Variants in DTL observed in about 807,000 individuals in gnomAD.
The protein encoded by DTL is denticleless protein homolog.
Under a neutral mutation model 87.0 loss-of-function variants are expected in DTL, and 46 were observed. That is an observed-to-expected ratio of 0.53 (90% CI 0.42 to 0.68). The LOEUF is 0.68. Ranked by LOEUF, DTL falls within the 30% of genes least tolerant of loss-of-function variation. The pLI, the probability that DTL is intolerant of heterozygous loss-of-function variation, is 0.00. For synonymous variants in DTL, 308 were observed against 311.2 expected (o/e 0.99, Z 0.11); for missense variants, 737 against 869.4 (o/e 0.85, Z 1.91).
intron 2 of DTL, 51 bp downstream of exon 2, chr1:212,043,169 C>T (rs917431266): frequency 6.4e-7 from 1 of 1,554,388 alleles, no homozygotes. Context: ...ATCTATTTCA[C>T]ACTTATAGGG....
chr1:212,089,309 T>C (rs1349145498), intron 13 of DTL, among the ~76,000 whole-genome samples: 3 of 152,312 alleles, frequency 2.0e-5, no homozygotes, highest in Non-Finnish European at 2.9e-5. Flanking sequence ...AATGGCATGC[T>C]ATGCACCTGT....
intron 7 of DTL, 38 bp from the exon 8 acceptor site, chr1:212,066,774 G>A: frequency 1.3e-6 from 2 of 1,590,108 alleles, no homozygotes; most frequent in Non-Finnish European, 1.7e-6. Flanking sequence ...AGATTATGAT[G>A]CCCAAGATAG....
chr1:212,076,659 T>G (rs1328457299), intron 11 of DTL, among the ~76,000 whole-genome samples: 1 of 152,206 alleles, frequency 6.6e-6, no homozygotes, highest in Non-Finnish European at 1.5e-5. Context: ...CCTTCTAATT[T>G]GCTGCTACCA....
At chr1:212,065,465 C>T (rs559953628) in intron 7 of DTL, among the ~76,000 whole-genome samples, 1 of 152,136 alleles carries the variant, frequency 6.6e-6, no homozygotes, top group Non-Finnish European at 1.5e-5. Context: ...ATAGCCATCA[C>T]TTCAAATACT....
chr1:212,100,979 G>A lies in DTL; in HGVS notation c.1989G>A (p.Leu663=), dbSNP rs1558093693. 1 of 1,614,134 alleles carries A rather than the reference G, an allele frequency of 6.2e-7. No homozygotes were observed. The highest frequency in any genetic ancestry group is 2.2e-5 in the East Asian group (1 of 44,876). Residue 663 remains leucine, a synonymous_variant, in exon 14 of 15, where the codon TTG becomes TTA. Coordinates refer to ENST00000366991, the MANE Select transcript of DTL (RefSeq NM_016448.4). ...GTTCCCCAGAGAATAAAAACTGGTT[G>A]TTGGCCATGGCAGCCAAACGGAAGG... ...ENSSPENKNW[L]LAMAAKRKAE... is the part of the protein sequence containing the mutation.
At chr1:212,069,524 A>G (rs766481752) in intron 10 of DTL, among the ~76,000 whole-genome samples, 4 of 151,868 alleles carry the variant, frequency 2.6e-5, no homozygotes, top group Non-Finnish European at 5.9e-5. Flanking sequence ...TTTTATTTAT[A>G]GATAGATGTA....
chr1:212,093,067 C>T (rs1243453031), intron 13 of DTL, among the ~76,000 whole-genome samples: 1 of 152,088 alleles, frequency 6.6e-6, no homozygotes, highest in Non-Finnish European at 1.5e-5. Flanking sequence ...TATTCATGTC[C>T]TTAGCCCACT....
intron 5 of DTL, among the ~76,000 whole-genome samples, chr1:212,061,125 G>A (rs1013682332): frequency 6.6e-6 from 1 of 152,008 alleles, no homozygotes; most frequent in African/African-American, 2.4e-5. Context: ...AATTAACTGG[G>A]CATGGTGGTG....
At chr1:212,065,543 CACACACAGACACAA>C (rs922097147) in intron 7 of DTL, among the ~76,000 whole-genome samples, 3 of 152,032 alleles carry the variant, frequency 2.0e-5, no homozygotes, top group African/African-American at 7.2e-5. Context: ...AATCTCTCTA[CACACACAGACACAA>C]ACACACACAC....
chr1:212,073,676 A>C (rs1369075924), intron 11 of DTL, among the ~76,000 whole-genome samples: 1 of 152,144 alleles, frequency 6.6e-6, no homozygotes, highest in Non-Finnish European at 1.5e-5. Context: ...CACAGGGTGG[A>C]AATATTGCTC....
chr1:212,044,224 A>G (rs1667741656), intron 2 of DTL, among the ~76,000 whole-genome samples: 1 of 152,136 alleles, frequency 6.6e-6, no homozygotes, highest in African/African-American at 2.4e-5. Flanking sequence ...GGCCAGTACC[A>G]CTCTTGTTTT....
intron 13 of DTL, among the ~76,000 whole-genome samples, chr1:212,097,784 G>A (rs1056622308): frequency 1.9e-4 from 29 of 152,154 alleles, no homozygotes; most frequent in Non-Finnish European, 3.7e-4. Context: ...TTTTAGGGGT[G>A]GTTATAGAAC....
chr1:212,087,549 CA>C (rs369051935), intron 13 of DTL, among the ~76,000 whole-genome samples: 223 of 130,644 alleles, frequency 1.7e-3, no homozygotes, highest in Admixed American at 1.8e-3. Flanking sequence ...AACTCTGTCT[CA>C]AAAAAAAAAA....
intron 1 of DTL, among the ~76,000 whole-genome samples, chr1:212,038,278 CA>C (rs932181262): frequency 1.3e-5 from 2 of 152,158 alleles, no homozygotes; most frequent in Non-Finnish European, 1.5e-5. Flanking sequence ...TGACATTGTA[CA>C]AAATTATGTT....
At chr1:212,093,305 A>G (rs1655341376) in intron 13 of DTL, among the ~76,000 whole-genome samples, 1 of 152,164 alleles carries the variant, frequency 6.6e-6, no homozygotes, top group Non-Finnish European at 1.5e-5. Flanking sequence ...CGTGTGTTAC[A>G]GTGTGCTCTT....
intron 13 of DTL, among the ~76,000 whole-genome samples, chr1:212,091,132 ATGG>A (rs1316780167): frequency 6.6e-6 from 1 of 152,222 alleles, no homozygotes; most frequent in Admixed American, 6.5e-5. Flanking sequence ...TAATTTTAAA[ATGG>A]ACAAAGGGCC....
At chr1:212,048,400 C>T (rs1159078794) in intron 5 of DTL, among the ~76,000 whole-genome samples, 3 of 152,090 alleles carry the variant, frequency 2.0e-5, no homozygotes, top group Non-Finnish European at 4.4e-5. Context: ...ACCATCTTGG[C>T]GAGGCTGATC....
In DTL at chr1:212,047,204, C is replaced by T; in HGVS notation, c.331C>T (p.Leu111Phe). ...VFDLAWVPGE[L>F]KLVTAAGDQT... is the part of the protein sequence containing the mutation. ...TGACCTGGCCTGGGTTCCTGGTGAA[C>T]TTAAACTTGTAAGTGACTTTATTTC... Residue 111 changes from leucine to phenylalanine, a missense_variant, in exon 4 of 15, where the codon CTT becomes TTT. By Grantham distance (22) the Leu-to-Phe change is conservative. Transcript: ENST00000366991. 1 of 1,614,154 alleles carries T rather than the reference C, an allele frequency of 6.2e-7. No individual in the cohort carries two copies. The highest frequency in any genetic ancestry group is 8.5e-7 in the Non-Finnish European group (1 of 1,180,008).
chr1:212,056,504 A>G (rs1558075764), intron 5 of DTL, among the ~76,000 whole-genome samples: 1 of 152,230 alleles, frequency 6.6e-6, no homozygotes, highest in Non-Finnish European at 1.5e-5. Flanking sequence ...GTTCTCCACT[A>G]CAAACCAAAT....
Sources: gnomAD v4.1 joint callset for allele counts (sites outside exome capture counted in the v4.1 genomes callset) on GRCh38, gnomAD v4.1.1 for gene constraint, MANE v1.5 for transcripts, NCBI Gene and HGNC (gene_info 2026-07-23, HGNC 2026-07-21) for gene names.